Variants in LRP1B observed in about 807,000 individuals in gnomAD.
The protein encoded by LRP1B is low-density lipoprotein receptor-related protein 1B.
In LRP1B, 217 loss-of-function variants were observed where a neutral mutation model predicts 556.6. That is an observed-to-expected ratio of 0.39 (90% CI 0.35 to 0.44). The LOEUF (loss-of-function observed/expected upper bound fraction) is 0.44. Ranked by LOEUF, LRP1B falls within the 20% of genes least tolerant of loss-of-function variation. LRP1B has a pLI of 1.00. For missense variants in LRP1B, 5,053 were observed against 5,620.8 expected, an observed-to-expected ratio of 0.90 and a Z score of 3.23; for synonymous variants, 2,047 against 1,865.8, an observed-to-expected ratio of 1.10 and a Z score of -2.50.
intron 3 of LRP1B, among the ~76,000 whole-genome samples, chr2:141,346,398 C>T (rs1688260141): frequency 6.6e-6 from 1 of 152,108 alleles, no homozygotes; most frequent in Admixed American, 6.6e-5. Flanking sequence ...ACCTCAGTCA[C>T]TTTAGATCCT....
chr2:141,344,872 C>T lies in LRP1B; in HGVS notation c.344-90231G>A, dbSNP rs184198354. Reference sequence around the variant, plus strand: ...CAGTGGACAGAATAATGCCCTTCCCCCTCAAGATGCCCACATCTTAGTCCC... The same window carrying T: ...CAGTGGACAGAATAATGCCCTTCCCTCTCAAGATGCCCACATCTTAGTCCC... On this transcript the variant is annotated intron_variant, in intron 3 of 90. Transcript: ENST00000389484. Among the ~76,000 whole-genome samples, 157 of 152,250 alleles carry T rather than the reference C, an allele frequency of 1.0e-3. 1 individual carries two copies. Among genetic ancestry groups the T allele is most frequent in the Non-Finnish European group, 1.6e-3 (109 of 68,014 alleles).
At chr2:142,018,888 C>T (rs980941193) in intron 1 of LRP1B, among the ~76,000 whole-genome samples, 42 of 135,812 alleles carry the variant, frequency 3.1e-4, no homozygotes, top group Non-Finnish European at 6.0e-4. Flanking sequence ...ATGTCTTATA[C>T]ATGTATATTA....
At chr2:141,805,723 T>G (rs1414422438) in intron 2 of LRP1B, 1 of 152,146 alleles carries the variant, frequency 6.6e-6, no homozygotes, top group Non-Finnish European at 1.5e-5. Context: ...GATTTTGTTT[T>G]CTTCCTCCCT....
At chr2:141,574,442 T>C (rs1686661913) in intron 2 of LRP1B, among the ~76,000 whole-genome samples, 2 of 152,116 alleles carry the variant, frequency 1.3e-5, no homozygotes, top group Non-Finnish European at 2.9e-5. Context: ...ATGGAACATA[T>C]CTCAAAATAA....
intron 18 of LRP1B, among the ~76,000 whole-genome samples, chr2:140,980,051 C>T (rs1198345962): frequency 6.6e-6 from 1 of 151,128 alleles, no homozygotes; most frequent in Non-Finnish European, 1.5e-5. Context: ...TCCTTTGATT[C>T]AAGTAAATTG....
At chr2:140,523,307 A>G (rs1558941645) in intron 49 of LRP1B, among the ~76,000 whole-genome samples, 1 of 152,006 alleles carries the variant, frequency 6.6e-6, no homozygotes, top group Admixed American at 6.6e-5. Flanking sequence ...TGATCATCTC[A>G]ATAGACACAG....
intron 1 of LRP1B, among the ~76,000 whole-genome samples, chr2:142,124,795 A>G (rs1707579342): frequency 6.6e-6 from 1 of 151,930 alleles, no homozygotes; most frequent in Admixed American, 6.6e-5. Flanking sequence ...TCTGCAAACT[A>G]GAAATATGTT....
chr2:141,048,111 A>T (rs1698930731), intron 11 of LRP1B, among the ~76,000 whole-genome samples: 1 of 152,142 alleles, frequency 6.6e-6, no homozygotes, highest in South Asian at 2.1e-4. Context: ...AATTCCTTTT[A>T]TCTCCTGCGA....
chr2:141,692,694 C>T (rs1316712352), intron 2 of LRP1B, among the ~76,000 whole-genome samples: 3 of 151,932 alleles, frequency 2.0e-5, no homozygotes, highest in Non-Finnish European at 2.9e-5. Context: ...ATTGTGCAAA[C>T]GTCATAGAAT....
Position 141,487,529 on chromosome 2 carries a change from C to T in LRP1B, c.206-6996G>A, listed in dbSNP as rs539821160. Among the ~76,000 whole-genome samples, 11 of 152,266 alleles carry T rather than the reference C, an allele frequency of 7.2e-5. No homozygotes were observed. In the East Asian group the frequency reaches 1.7e-3, roughly 24 times the overall value. On this transcript the variant is annotated intron_variant, in intron 2 of 90. Coordinates refer to ENST00000389484, the MANE Select transcript of LRP1B (RefSeq NM_018557.3). ...TCAAAATTATAATGGTTCTCAATTG[C>T]TGGTCACAACAAAACCAAACTCCTT...
intron 3 of LRP1B, among the ~76,000 whole-genome samples, chr2:141,272,258 A>G (rs300398): frequency 0.12 from 18,643 of 152,084 alleles, 1,291 homozygotes; most frequent in Admixed American, 0.18. Context: ...TCTGAAGTCA[A>G]TTATGATAAA....
At chr2:141,305,069 GTTA>G in intron 3 of LRP1B, among the ~76,000 whole-genome samples, 2 of 152,096 alleles carry the variant, frequency 1.3e-5, no homozygotes, top group Middle Eastern at 6.8e-3. Flanking sequence ...GTATTTTGTT[GTTA>G]TTGTTGTTCT....
chr2:140,316,524 GTTTGTA>G lies in LRP1B; in HGVS notation c.12641-1431_12641-1426del, dbSNP rs576356944. Among the ~76,000 whole-genome samples, 585 of 152,188 alleles carry G rather than the reference GTTTGTA, an allele frequency of 3.8e-3. 3 individuals carry two copies. Among genetic ancestry groups the G allele is most frequent in the Non-Finnish European group, 4.4e-3 (296 of 68,002 alleles). ...CAGGATTCAGATTGGCATTACTGAA[GTTTGTA>G]TTTGTAATATGAATAACTCTCTCAT... is the stretch of plus-strand genomic sequence containing the variant. On this transcript the variant is annotated intron_variant, in intron 82 of 90. Transcript: ENST00000389484.
rs565314571 is a variant in LRP1B at position 141,271,322 on chromosome 2, C to T, written c.344-16681G>A. Among the ~76,000 whole-genome samples the T allele has an allele frequency of 2.7e-5, 4 of 149,296 alleles. No homozygotes were observed. The East Asian group carries it at 7.9e-4, about 29-fold the overall frequency. Reference sequence around the variant, plus strand: ...AAATAATAAGAAGAAAAGAAGGGAACAGAACAACAACATTAAAAAAAAAAC... The same window carrying T: ...AAATAATAAGAAGAAAAGAAGGGAATAGAACAACAACATTAAAAAAAAAAC... On this transcript the variant is annotated intron_variant, in intron 3 of 90. Coordinates refer to ENST00000389484, the MANE Select transcript of LRP1B (RefSeq NM_018557.3).
At chr2:142,129,747 C>T (rs1391566503) in intron 1 of LRP1B, among the ~76,000 whole-genome samples, 1 of 152,086 alleles carries the variant, frequency 6.6e-6, no homozygotes, top group African/African-American at 2.4e-5. Flanking sequence ...AAGGCCAGGG[C>T]CAGTGCCCCA....
At chr2:141,908,081 A>G (rs946326620) in intron 1 of LRP1B, among the ~76,000 whole-genome samples, 3 of 152,078 alleles carry the variant, frequency 2.0e-5, no homozygotes, top group Admixed American at 2.0e-4. Flanking sequence ...GCTGCAGTAA[A>G]TCTAGGCATT....
At chr2:141,981,519 C>T (rs1702041422) in intron 1 of LRP1B, among the ~76,000 whole-genome samples, 1 of 152,014 alleles carries the variant, frequency 6.6e-6, no homozygotes, top group African/African-American at 2.4e-5. Context: ...CCCTTACAGT[C>T]TTGATTAGGA....
At chr2:141,943,389 T>C (rs190460298) in intron 1 of LRP1B, among the ~76,000 whole-genome samples, 41 of 152,296 alleles carry the variant, frequency 2.7e-4, no homozygotes, top group African/African-American at 9.6e-4. Flanking sequence ...TAATGTTACA[T>C]TTCTCCTTTC....
At chr2:140,479,354 GA>G (rs35479488) in intron 59 of LRP1B, among the ~76,000 whole-genome samples, 7,261 of 152,092 alleles carry the variant, frequency 0.048, 212 homozygotes, top group African/African-American at 0.052. Flanking sequence ...CAACTGCCGT[GA>G]AAATGTTGAA....
Sources: allele counts gnomAD v4.1 joint callset (sites outside exome capture counted in the v4.1 genomes callset), GRCh38; gene constraint gnomAD v4.1.1; transcripts MANE v1.5; gene names NCBI Gene and HGNC (gene_info 2026-07-23, HGNC 2026-07-21).